DMXL2: variants seen among roughly 807,000 people sequenced by gnomAD.
DMXL2 encodes the protein dmX-like protein 2.
A neutral mutation model predicts 331.1 loss-of-function variants in DMXL2; 103 were observed. The observed-to-expected ratio is 0.31, with a 90% CI of 0.27 to 0.37. The LOEUF (loss-of-function observed/expected upper bound fraction) is 0.37. Among genes scored for constraint, DMXL2 ranks in the 10% least tolerant of loss-of-function variants. The pLI is 1.00. For missense variants in DMXL2, 3,171 were observed against 3,642.9 expected, an observed-to-expected ratio of 0.87 and a Z score of 3.33; for synonymous variants, 1,281 against 1,252.1, an observed-to-expected ratio of 1.02 and a Z score of -0.49.
intron 1 of DMXL2, among the ~76,000 whole-genome samples, chr15:51,586,002 A>C (rs534979260): frequency 6.6e-6 from 1 of 152,312 alleles, no homozygotes; most frequent in African/African-American, 2.4e-5. Flanking sequence ...AAAAGCAGGG[A>C]AGGGGTAGCA....
chr15:51,532,661 A>G (rs1038579845), intron 13 of DMXL2, among the ~76,000 whole-genome samples: 1 of 152,158 alleles, frequency 6.6e-6, no homozygotes, highest in Non-Finnish European at 1.5e-5. Flanking sequence ...TACATCTACT[A>G]TGTACCCACA....
Position 51,463,481 on chromosome 15 carries a change from A to G in DMXL2, c.7824T>C (p.Ser2608=). 6.3e-7 allele frequency: 1 copy of G among 1,594,146 alleles called. No individual in the cohort carries two copies. ...ENTPFKSRDS[S]AFPVKRLWHF... ...GCCAAAGTCGTTTGACTGGAAATGC[A>G]GAAGAATCCCGGGACCTATTAAAAA... Residue 2608 remains serine, a synonymous_variant, in exon 33 of 44, where the codon TCT becomes TCC. Coordinates refer to ENST00000560891, the MANE Select transcript of DMXL2 (RefSeq NM_001378457.1).
chr15:51,619,311 A>C (rs1357267579), intron 1 of DMXL2, among the ~76,000 whole-genome samples: 1 of 152,232 alleles, frequency 6.6e-6, no homozygotes, highest in Non-Finnish European at 1.5e-5. Flanking sequence ...TCTTACACTG[A>C]AAAGAACAAA....
chr15:51,601,120 T>C (rs957583480), intron 1 of DMXL2, among the ~76,000 whole-genome samples: 3 of 151,910 alleles, frequency 2.0e-5, no homozygotes, highest in Non-Finnish European at 4.4e-5. Flanking sequence ...TGAAACCCCA[T>C]CTCTACTAAA....
intron 37 of DMXL2, 73 bp downstream of exon 37, chr15:51,457,255 C>A: frequency 6.7e-7 from 1 of 1,490,178 alleles, no homozygotes; most frequent in East Asian, 2.4e-5. Flanking sequence ...AGGATCATTC[C>A]TATGTCAAAG....
At chr15:51,479,860 T>C (rs576708977) in intron 25 of DMXL2, 88 bp downstream of exon 25, 13 of 1,005,158 alleles carry the variant, frequency 1.3e-5, no homozygotes, top group Non-Finnish European at 1.8e-5. Context: ...CTTTGAAATA[T>C]TTCCCCTAAG....
At chr15:51,470,100 C>G (rs1047450426) in intron 29 of DMXL2, among the ~76,000 whole-genome samples, 1 of 152,118 alleles carries the variant, frequency 6.6e-6, no homozygotes, top group South Asian at 2.1e-4. Flanking sequence ...CCGATGCTGC[C>G]GGTTCTGAGA....
chr15:51,480,440 GATTA>G (rs1396784305), intron 24 of DMXL2, 98 bp downstream of exon 24: 73 of 1,332,370 alleles, frequency 5.5e-5, no homozygotes, highest in Non-Finnish European at 7.0e-5. Flanking sequence ...AACATATTTA[GATTA>G]ACTAGTAAAA....
At chr15:51,544,649 A>T (rs758332922) in intron 8 of DMXL2, among the ~76,000 whole-genome samples, 9 of 152,196 alleles carry the variant, frequency 5.9e-5, no homozygotes, top group Admixed American at 1.3e-4. Context: ...CACTTTGACT[A>T]TGCAACCTTT....
chr15:51,474,195 TG>T, intron 28 of DMXL2, 148 bp downstream of exon 28: 1 of 656,646 alleles, frequency 1.5e-6, no homozygotes, highest in Non-Finnish European at 2.4e-6. Context: ...TATTATATCA[TG>T]GGTTTAATTA....
chr15:51,585,604 C>T (rs1032621825), intron 1 of DMXL2, among the ~76,000 whole-genome samples: 1 of 151,990 alleles, frequency 6.6e-6, no homozygotes, highest in African/African-American at 2.4e-5. Context: ...TATGCTGGAT[C>T]AGTGATTAAA....
At chr15:51,579,327 C>G (rs1438111873) in intron 1 of DMXL2, among the ~76,000 whole-genome samples, 2 of 152,042 alleles carry the variant, frequency 1.3e-5, no homozygotes, top group South Asian at 4.1e-4. Context: ...AAAAAGTGCA[C>G]AGGGGCATTT....
At chr15:51,563,054 A>G (rs1303194683) in intron 6 of DMXL2, among the ~76,000 whole-genome samples, 8 of 152,204 alleles carry the variant, frequency 5.3e-5, no homozygotes, top group African/African-American at 1.9e-4. Context: ...TGAGGCAAGC[A>G]GTACATCTTT....
At chr15:51,526,983 T>G (rs553048843) in intron 13 of DMXL2, among the ~76,000 whole-genome samples, 5 of 152,258 alleles carry the variant, frequency 3.3e-5, no homozygotes, top group Non-Finnish European at 5.9e-5. Flanking sequence ...TTCAAAGGGA[T>G]AGTAACAGGG....
chr15:51,577,889 G>A (rs1193048123), intron 1 of DMXL2, among the ~76,000 whole-genome samples: 5 of 152,106 alleles, frequency 3.3e-5, no homozygotes, highest in African/African-American at 1.2e-4. Context: ...TGTCTCTTAG[G>A]ATACTTGTGA....
rs77808270 is a variant in DMXL2 at position 51,588,378 on chromosome 15, C to A, written c.88-12197G>T. ...TTCACCATGTTGTCCAGGCTAGTCT[C>A]GAACTCCTGGGCTCAAGTGATCTGG... On this transcript the variant is annotated intron_variant, in intron 1 of 43. Coordinates refer to ENST00000560891, the MANE Select transcript of DMXL2 (RefSeq NM_001378457.1). Among the ~76,000 whole-genome samples, 967 of 152,116 alleles carry A rather than the reference C, an allele frequency of 6.4e-3. 17 individuals carry two copies. Among genetic ancestry groups the A allele is most frequent in the African/African-American group, 0.022 (930 of 41,486 alleles).
chr15:51,555,308 G>A (rs2049490247), intron 6 of DMXL2, among the ~76,000 whole-genome samples: 1 of 152,130 alleles, frequency 6.6e-6, no homozygotes, highest in African/African-American at 2.4e-5. Flanking sequence ...GAGTGGAGGT[G>A]GTAAAGAAGT....
At chr15:51,594,257 C>CTATA (rs1194100441) in intron 1 of DMXL2, among the ~76,000 whole-genome samples, 1 of 152,154 alleles carries the variant, frequency 6.6e-6, no homozygotes, top group Non-Finnish European at 1.5e-5. Context: ...CACAGAAATA[C>CTATA]AAACTACCAT....
At chr15:51,468,151 T>C (rs556597596) in intron 29 of DMXL2, among the ~76,000 whole-genome samples, 1 of 152,362 alleles carries the variant, frequency 6.6e-6, no homozygotes, top group South Asian at 2.1e-4. Flanking sequence ...CTATAATTGA[T>C]GCTTATCTAG....
Sources: allele counts gnomAD v4.1 joint callset (sites outside exome capture counted in the v4.1 genomes callset), GRCh38; gene constraint gnomAD v4.1.1; transcripts MANE v1.5; gene names NCBI Gene and HGNC (gene_info 2026-07-23, HGNC 2026-07-21).